The following HEATR4 variants were observed in gnomAD, a reference collection of about 807,000 sequenced individuals.
The protein encoded by HEATR4 is HEAT repeat-containing protein 4.
In HEATR4, 95 loss-of-function variants were observed where a neutral mutation model predicts 108.8. The ratio of observed to expected loss-of-function variants is 0.87; its 90% confidence interval spans 0.74 to 1.04. HEATR4 has a LOEUF of 1.04. Ranked by LOEUF, HEATR4 falls within the 50% of genes least tolerant of loss-of-function variation. The probability of loss-of-function intolerance (pLI) is 0.00; values close to 1 mark genes in which losing one functional copy is unlikely to be tolerated. For missense variants in HEATR4, 1,152 were observed against 1,253.8 expected (o/e 0.92, Z 1.23); for synonymous variants, 443 against 459.4 (o/e 0.96, Z 0.46).
the HEATR4 span, among the ~76,000 whole-genome samples, chr14:73,622,011 C>G: frequency 7.2e-5 from 11 of 152,022 alleles, no homozygotes; most frequent in African/African-American, 2.2e-4. Flanking sequence ...GAACTGCCCC[C>G]CTAGGCCTCC....
chr14:73,579,868 G>C, the HEATR4 span, among the ~76,000 whole-genome samples: 1 of 150,854 alleles, frequency 6.6e-6, no homozygotes, highest in Non-Finnish European at 1.5e-5. Flanking sequence ...CAAGGTGGGT[G>C]GATCATTTGA....
the HEATR4 span, among the ~76,000 whole-genome samples, chr14:73,628,575 G>A: frequency 6.6e-6 from 1 of 152,142 alleles, no homozygotes; most frequent in African/African-American, 2.4e-5. Context: ...CCAACATGGA[G>A]AAACTCTGTC....
the HEATR4 span, chr14:73,611,442 C>A: frequency 3.3e-5 from 5 of 152,234 alleles, no homozygotes; most frequent in Non-Finnish European, 7.3e-5. Flanking sequence ...AATCTTGTTT[C>A]ATTGTTTTTG....
At chr14:73,524,190 A>G (rs996683403) in intron 2 of HEATR4, among the ~76,000 whole-genome samples, 2 of 150,266 alleles carry the variant, frequency 1.3e-5, no homozygotes, top group Non-Finnish European at 3.0e-5. Flanking sequence ...TACTTGGGAG[A>G]TTGAGGCAGG....
At chr14:73,489,251 A>G (rs939878063) in intron 17 of HEATR4, among the ~76,000 whole-genome samples, 2 of 152,124 alleles carry the variant, frequency 1.3e-5, no homozygotes, top group African/African-American at 4.8e-5. Flanking sequence ...ACATTGCCAA[A>G]TGTCCCTATG....
At chr14:73,570,494 G>A in the HEATR4 span, among the ~76,000 whole-genome samples, 3 of 152,002 alleles carry the variant, frequency 2.0e-5, no homozygotes, top group Admixed American at 6.6e-5. Context: ...GTGTGAACCC[G>A]GGAGGCAGAG....
the HEATR4 span, chr14:73,568,031 A>G: frequency 6.6e-6 from 1 of 152,422 alleles, no homozygotes; most frequent in Non-Finnish European, 1.5e-5. Flanking sequence ...AGCGAGACCA[A>G]GAATCCACCA....
At chr14:73,626,033 A>G in the HEATR4 span, among the ~76,000 whole-genome samples, 1 of 152,236 alleles carries the variant, frequency 6.6e-6, no homozygotes, top group Non-Finnish European at 1.5e-5. Flanking sequence ...AGTGCAAAGG[A>G]AAAGTTCTTG....
Position 73,537,550 on chromosome 14 carries a change from C to G in HEATR4, c.-151-7306G>C, listed in dbSNP as rs766903415. ...GCGCGTCCCTGCGCGACGAGAAGGG[C>G]GCGCTTTTCCAGGCCCACGCGCGCT... On this transcript the variant is annotated intron_variant, in intron 1 of 17. Coordinates refer to ENST00000553558, the MANE Select transcript of HEATR4 (RefSeq NM_001220484.1). The G allele has an allele frequency of 4.9e-6, 6 of 1,212,682 alleles. No homozygotes were observed. The African/African-American group carries it at 9.4e-5, about 19-fold the overall frequency. 75.1% of individuals were successfully genotyped at this position (1,212,682 alleles called of 1,614,324 possible).
chr14:73,492,443 G>A lies in HEATR4; in HGVS notation c.2844+623C>T. On this transcript the variant is annotated intron_variant, in intron 17 of 17. Transcript: ENST00000553558. The surrounding 1 kb of genome is among the most constrained non-coding windows in gnomAD (Gnocchi z 4.9). ...AGATTCTAAGGATCCGCGAAGAACCGCTTTCATGGAGAAGGTGCGGGTCTT... is the reference window on the plus strand; with the variant it reads ...AGATTCTAAGGATCCGCGAAGAACCACTTTCATGGAGAAGGTGCGGGTCTT... 6.2e-7 allele frequency: 1 copy of A among 1,613,778 alleles called. No homozygotes were observed. Among genetic ancestry groups the A allele is most frequent in the Non-Finnish European group, 8.5e-7 (1 of 1,179,778 alleles).
At chr14:73,497,309 G>T (rs1485907065) in intron 14 of HEATR4, among the ~76,000 whole-genome samples, 1 of 152,180 alleles carries the variant, frequency 6.6e-6, no homozygotes, top group African/African-American at 2.4e-5. Flanking sequence ...CAAAGTGTTG[G>T]GATTACAGAT....
At chr14:73,610,695 G>A in the HEATR4 span, among the ~76,000 whole-genome samples, 2 of 152,146 alleles carry the variant, frequency 1.3e-5, no homozygotes, top group Admixed American at 6.5e-5. Flanking sequence ...ATCTGGGTTG[G>A]GGATGGACTG....
At chr14:73,525,425 C>T (rs547392212) in intron 2 of HEATR4, among the ~76,000 whole-genome samples, 1 of 152,278 alleles carries the variant, frequency 6.6e-6, no homozygotes, top group South Asian at 2.1e-4. Context: ...CACTCCAGGA[C>T]TTTTTGCACA....
chr14:73,508,359 T>G, intron 8 of HEATR4, 65 bp from the exon 9 acceptor site: 4 of 1,454,630 alleles, frequency 2.7e-6, no homozygotes, highest in Non-Finnish European at 3.8e-6. Flanking sequence ...GAACAGCCTT[T>G]GGATTGATAC....
At chr14:73,518,695 A>ATGCACTTTCCCTGTTAGG (rs1355102551) in intron 5 of HEATR4, among the ~76,000 whole-genome samples, 1 of 152,100 alleles carries the variant, frequency 6.6e-6, no homozygotes. Flanking sequence ...CAGGAGTTTG[A>ATGCACTTTCCCTGTTAGG]TGCACTTTCC....
At chr14:73,500,486 C>G (rs1435401770) in intron 12 of HEATR4, 64 bp downstream of exon 12, 4 of 1,514,358 alleles carry the variant, frequency 2.6e-6, no homozygotes, top group Non-Finnish European at 3.6e-6. Flanking sequence ...CTGTGCACAA[C>G]CAGGGAAGGT....
chr14:73,623,203 G>A, the HEATR4 span, among the ~76,000 whole-genome samples: 3 of 152,104 alleles, frequency 2.0e-5, no homozygotes, highest in Non-Finnish European at 2.9e-5. Context: ...GAGCCACCAC[G>A]CCTGGCCTTA....
At chr14:73,632,449 T>C in the HEATR4 span, among the ~76,000 whole-genome samples, 1 of 152,136 alleles carries the variant, frequency 6.6e-6, no homozygotes, top group African/African-American at 2.4e-5. Flanking sequence ...CAGAACCATT[T>C]TGTATATATA....
the HEATR4 span, chr14:73,619,630 ATC>A: frequency 6.2e-7 from 1 of 1,614,200 alleles, no homozygotes; most frequent in Non-Finnish European, 8.5e-7. Flanking sequence ...ACCCCAGATA[ATC>A]TGTTACCCAG....
Sources: gnomAD v4.1 joint callset for allele counts (sites outside exome capture counted in the v4.1 genomes callset) on GRCh38, gnomAD v4.1.1 for gene constraint, Gnocchi (gnomAD v3.1) non-coding constraint, MANE v1.5 for transcripts, NCBI Gene and HGNC (gene_info 2026-07-23, HGNC 2026-07-21) for gene names.